Variants in BORCS5 observed in about 807,000 individuals in gnomAD.
The protein encoded by BORCS5 is BLOC-1-related complex subunit 5.
A neutral mutation model predicts 22.1 loss-of-function variants in BORCS5; 17 were observed. That is an observed-to-expected ratio of 0.77 (90% CI 0.53 to 1.15). The LOEUF (loss-of-function observed/expected upper bound fraction) is 1.15. BORCS5 is among the 50% of genes most tolerant of loss of function. BORCS5 has a pLI of 0.00. For missense variants in BORCS5, 247 were observed against 253.2 expected (o/e 0.98, Z 0.17); for synonymous variants, 117 against 99.8 (o/e 1.17, Z -1.03).
At position 12,451,786 on chromosome 12, in the gene BORCS5, C is replaced by T. The variant is rs542649871; in HGVS notation, c.361-13760C>T. Among the ~76,000 whole-genome samples, 152 of 151,958 alleles carry T rather than the reference C, an allele frequency of 1.0e-3. 1 individual carries two copies. Among genetic ancestry groups the T allele is most frequent in the African/African-American group, 3.5e-3 (146 of 41,422 alleles). Reference sequence around the variant, plus strand: ...TACAAAAATTAGCTGGGCGTGGTGGCGCTCGCCTGTAGTCCCAGCTACTCA... The same window carrying T: ...TACAAAAATTAGCTGGGCGTGGTGGTGCTCGCCTGTAGTCCCAGCTACTCA... On this transcript the variant is annotated intron_variant, in intron 3 of 3. Coordinates refer to ENST00000314565, the MANE Select transcript of BORCS5 (RefSeq NM_058169.6).
chr12:12,374,319 A>C (rs895281615), intron 2 of BORCS5, among the ~76,000 whole-genome samples: 2 of 151,576 alleles, frequency 1.3e-5, no homozygotes, highest in Non-Finnish European at 2.9e-5. Context: ...AAAGTCTTCT[A>C]TATATATTTT....
In BORCS5 at chr12:12,467,576, T is replaced by C. The variant is rs1353937006; in HGVS notation, c.*1800T>C. On this transcript the variant is annotated 3_prime_UTR_variant, in exon 4 of 4. Coordinates refer to ENST00000314565, the MANE Select transcript of BORCS5 (RefSeq NM_058169.6). Reference sequence around the variant, plus strand: ...CCTGAGTAGGTGATAGGCTACTTATTACTGGGTGGAAGCGGAGAAGTATGG... The same window carrying C: ...CCTGAGTAGGTGATAGGCTACTTATCACTGGGTGGAAGCGGAGAAGTATGG... 2 of 152,234 alleles carry C rather than the reference T, an allele frequency of 1.3e-5. No individual in the cohort carries two copies. The highest frequency in any genetic ancestry group is 3.8e-4 in the East Asian group (2 of 5,202). The allele number at this position is 152,234 out of a possible 1,614,324, so 9.4% of individuals were successfully genotyped here.
chr12:12,384,677 GTC>G (rs1327306636), intron 2 of BORCS5, among the ~76,000 whole-genome samples: 1 of 150,948 alleles, frequency 6.6e-6, no homozygotes, highest in African/African-American at 2.4e-5. Context: ...GGCCATTAAT[GTC>G]TCTACTTTTC....
At chr12:12,389,769 G>T (rs757098709) in intron 2 of BORCS5, among the ~76,000 whole-genome samples, 1 of 152,080 alleles carries the variant, frequency 6.6e-6, no homozygotes, top group Non-Finnish European at 1.5e-5. Context: ...ACAGTCACCC[G>T]AGTAGCAGGG....
At chr12:12,446,278 G>T (rs996755838) in intron 3 of BORCS5, among the ~76,000 whole-genome samples, 13 of 152,090 alleles carry the variant, frequency 8.5e-5, no homozygotes, top group Non-Finnish European at 1.5e-4. Context: ...AAAGTAAGGG[G>T]ATATAAAATG....
In BORCS5 at chr12:12,470,827, G is replaced by A. The variant is rs563149754; in HGVS notation, c.*5051G>A. 4.6e-5 allele frequency among the ~76,000 whole-genome samples: 7 copies of A among 152,070 alleles called. No homozygotes were observed. In the South Asian group the frequency reaches 6.2e-4, roughly 14 times the overall value. ...CTAGTTGCCTGCCAGGATGACCAGCGTTATGCTGGTGTGTGCGTGTCCATG... is the reference window on the plus strand; with the variant it reads ...CTAGTTGCCTGCCAGGATGACCAGCATTATGCTGGTGTGTGCGTGTCCATG... On this transcript the variant is annotated 3_prime_UTR_variant, in exon 4 of 4. Transcript: ENST00000314565.
At chr12:12,460,685 A>C (rs934743670) in intron 3 of BORCS5, among the ~76,000 whole-genome samples, 1 of 152,216 alleles carries the variant, frequency 6.6e-6, no homozygotes, top group Non-Finnish European at 1.5e-5. Context: ...GAAAATTTCC[A>C]TAATAAATGC....
intron 2 of BORCS5, among the ~76,000 whole-genome samples, chr12:12,375,475 C>T (rs1185582305): frequency 6.6e-6 from 1 of 152,152 alleles, no homozygotes; most frequent in African/African-American, 2.4e-5. Context: ...TGAAAATTAG[C>T]TGGTCATGGT....
chr12:12,361,570 G>A (rs905241681), intron 2 of BORCS5, among the ~76,000 whole-genome samples: 4 of 152,076 alleles, frequency 2.6e-5, no homozygotes, highest in Admixed American at 6.5e-5. Context: ...TTGACCTATT[G>A]CAAATATCTT....
At chr12:12,454,133 G>T (rs1942959747) in intron 3 of BORCS5, among the ~76,000 whole-genome samples, 1 of 152,150 alleles carries the variant, frequency 6.6e-6, no homozygotes, top group African/African-American at 2.4e-5. Flanking sequence ...GAATAATGCT[G>T]CTATAAACAT....
At chr12:12,447,857 C>T (rs1041827092) in intron 3 of BORCS5, among the ~76,000 whole-genome samples, 1 of 152,200 alleles carries the variant, frequency 6.6e-6, no homozygotes, top group African/African-American at 2.4e-5. Context: ...TAATTCTGGA[C>T]ATCGGAAAAG....
intron 2 of BORCS5, among the ~76,000 whole-genome samples, chr12:12,367,980 C>T (rs939678052): frequency 9.9e-5 from 15 of 152,194 alleles, no homozygotes; most frequent in East Asian, 9.6e-4. Flanking sequence ...TTGGCTACCA[C>T]GCTTTCTCTG....
chr12:12,438,360 C>CAAAAAAAAAACAAA (rs1942598816), intron 3 of BORCS5, among the ~76,000 whole-genome samples: 1 of 23,810 alleles, frequency 4.2e-5, no homozygotes, highest in Admixed American at 4.5e-4. Context: ...GATTTCATCT[C>CAAAAAAAAAACAAA]AAAAAAAAAA....
chr12:12,448,654 G>A (rs560798931), intron 3 of BORCS5, among the ~76,000 whole-genome samples: 59 of 151,366 alleles, frequency 3.9e-4, no homozygotes, highest in African/African-American at 1.4e-3. Flanking sequence ...TCAGCCTCCC[G>A]AGTAGCTGGG....
At position 12,465,661 on chromosome 12, in the gene BORCS5, T is replaced by C. The variant is rs750776249; in HGVS notation, c.476T>C (p.Ile159Thr). 1 of 1,614,126 alleles carries C rather than the reference T, an allele frequency of 6.2e-7. No homozygotes were observed. Among genetic ancestry groups the C allele is most frequent in the African/African-American group, 1.3e-5 (1 of 74,934 alleles). Reference protein sequence around the residue: ...VNEMSAILRRIQMGIDQTVPL... With the variant: ...VNEMSAILRRTQMGIDQTVPL... ...GAGATGTCCGCCATCCTCCGCCGCA[T>C]ACAGATGGGCATCGACCAGACTGTG... The change falls in exon 4 of 4, where the codon ATA (isoleucine) becomes ACA (threonine). Residue 159 changes from isoleucine (I) to threonine (T), a missense_variant. Physicochemically the swap from Ile to Thr is moderately conservative, Grantham distance 89. Transcript: ENST00000314565.
chr12:12,396,771 T>C (rs1565866163), intron 2 of BORCS5, among the ~76,000 whole-genome samples: 1 of 152,214 alleles, frequency 6.6e-6, no homozygotes, highest in Non-Finnish European at 1.5e-5. Flanking sequence ...ATTGCTACCC[T>C]CATTTAGAAA....
chr12:12,444,477 A>G (rs892605974), intron 3 of BORCS5, among the ~76,000 whole-genome samples: 2 of 152,212 alleles, frequency 1.3e-5, no homozygotes, highest in Non-Finnish European at 2.9e-5. Flanking sequence ...GGAGGTTCTT[A>G]CGGGCCAAAC....
Position 12,435,702 on chromosome 12 carries a change from T to A in BORCS5, c.277T>A (p.Cys93Ser). 3 of 1,614,184 alleles carry A rather than the reference T, an allele frequency of 1.9e-6. No homozygotes were observed. Among genetic ancestry groups the A allele is most frequent in the South Asian group, 2.2e-5 (2 of 91,082 alleles). The change falls in exon 3 of 4, where the codon TGC becomes AGC. Residue 93 changes from cysteine (C) to serine (S), a missense_variant. Cys to Ser is a moderately radical substitution (Grantham distance 112, BLOSUM62 -1). Coordinates refer to ENST00000314565, the MANE Select transcript of BORCS5 (RefSeq NM_058169.6). ...KLDSQQVLQL[C>S]LRYQDHLHQC... ...GGACTCTCAGCAGGTGTTGCAGCTC[T>A]GCCTCCGATATCAAGATCACCTGCA...
chr12:12,462,865 C>T (rs1943135903), intron 3 of BORCS5, among the ~76,000 whole-genome samples: 1 of 152,032 alleles, frequency 6.6e-6, no homozygotes, highest in Non-Finnish European at 1.5e-5. Flanking sequence ...CCGTGTTGCC[C>T]AGGCTGGTCT....
Sources: allele counts gnomAD v4.1 joint callset (sites outside exome capture counted in the v4.1 genomes callset), GRCh38; gene constraint gnomAD v4.1.1; transcripts MANE v1.5; gene names NCBI Gene and HGNC (gene_info 2026-07-23, HGNC 2026-07-21).